NIPBL: variants seen among roughly 807,000 people sequenced by gnomAD.
NIPBL encodes nipped-B-like protein.
Under a neutral mutation model 321.8 loss-of-function variants are expected in NIPBL, and 19 were observed. The ratio of observed to expected loss-of-function variants is 0.06; its 90% CI spans 0.04 to 0.09. The LOEUF is 0.09. Among genes scored for constraint, NIPBL ranks in the 10% least tolerant of loss-of-function variants. The probability of loss-of-function intolerance (pLI) is 1.00; values close to 1 mark genes in which losing one functional copy is unlikely to be tolerated. For missense variants in NIPBL, 2,210 were observed against 3,327.0 expected (o/e 0.66, Z 8.26); for synonymous variants, 1,106 against 1,114.1 (o/e 0.99, Z 0.14).
chr5:36,988,423 A>T (rs559804093), intron 10 of NIPBL, among the ~76,000 whole-genome samples: 1 of 152,022 alleles, frequency 6.6e-6, no homozygotes, highest in Non-Finnish European at 1.5e-5. Flanking sequence ...AAAAAATACT[A>T]TGTCAGTGCT....
At position 36,988,764 on chromosome 5, in the gene NIPBL, A is replaced by G. The variant is rs568310564; in HGVS notation, c.3121+2463A>G. Among the ~76,000 whole-genome samples the G allele has an allele frequency of 4.6e-5, 7 of 152,242 alleles. No homozygotes were observed. In the South Asian group the frequency reaches 1.0e-3, roughly 23 times the overall value. On this transcript the variant is annotated intron_variant, in intron 10 of 46. Coordinates refer to ENST00000282516, the MANE Select transcript of NIPBL (RefSeq NM_133433.4). The stretch of plus-strand genomic sequence containing the variant: ...CTTGTATGGTTGGTTCCTAGGGCCA[A>G]AATTGAAGAGCCATAAATTTCCATC...
At chr5:37,043,539 A>G (rs79193759) in intron 34 of NIPBL, among the ~76,000 whole-genome samples, 1 of 145,636 alleles carries the variant, frequency 6.9e-6, no homozygotes, top group Non-Finnish European at 1.5e-5. Flanking sequence ...AAAAAAAAAA[A>G]GACAATTAAA....
rs373739863 is a variant in NIPBL, at chr5:36,971,056, T to G, written c.771+20T>G. ...AGTGACGTATGTAATATATTATCATTAAGGTGATAAAATAGTTCTAATATT... is the reference window on the plus strand; with the variant it reads ...AGTGACGTATGTAATATATTATCATGAAGGTGATAAAATAGTTCTAATATT... On this transcript the variant is annotated intron_variant, in intron 7 of 46. Transcript: ENST00000282516. 25 of 1,589,488 alleles carry G rather than the reference T, an allele frequency of 1.6e-5. No homozygotes were observed. The Middle Eastern group carries it at 1.2e-3, about 74-fold the overall frequency.
intron 2 of NIPBL, among the ~76,000 whole-genome samples, chr5:36,954,529 A>G (rs955704464): frequency 6.6e-6 from 1 of 152,174 alleles, no homozygotes; most frequent in African/African-American, 2.4e-5. Flanking sequence ...TGAAACTGGC[A>G]TTAGTTTTTA....
In NIPBL at chr5:36,877,114, C is replaced by A; in HGVS notation, c.-144C>A. 3.0e-6 allele frequency: 1 copy of A among 338,544 alleles called. No individual in the cohort carries two copies. The highest frequency in any genetic ancestry group is 5.3e-6 in the Non-Finnish European group (1 of 188,826). 21.0% of individuals were successfully genotyped at this position (338,544 alleles called of 1,614,324 possible). Reference sequence around the variant, plus strand: ...GCCGTAGCCACCCCCCCTCCCGGCCCGGATTATAGTCTCTCGCCACAGCGG... The same window carrying A: ...GCCGTAGCCACCCCCCCTCCCGGCCAGGATTATAGTCTCTCGCCACAGCGG... On this transcript the variant is annotated 5_prime_UTR_variant, in exon 1 of 47. Coordinates refer to ENST00000282516, the MANE Select transcript of NIPBL (RefSeq NM_133433.4).
chr5:36,886,409 T>C, intron 1 of NIPBL: 1 of 736,592 alleles, frequency 1.4e-6, no homozygotes. Flanking sequence ...AGCAACTCCA[T>C]GCAAACTATC....
chr5:36,926,693 G>T (rs912351317), intron 1 of NIPBL, among the ~76,000 whole-genome samples: 1 of 152,138 alleles, frequency 6.6e-6, no homozygotes, highest in African/African-American at 2.4e-5. Flanking sequence ...TCAATATGAG[G>T]ACTAGCAAAT....
chr5:36,898,028 G>A (rs1043777370), intron 1 of NIPBL, among the ~76,000 whole-genome samples: 2 of 152,154 alleles, frequency 1.3e-5, no homozygotes, highest in Admixed American at 6.5e-5. Flanking sequence ...ACAGATTACA[G>A]TATTATTCCT....
intron 32 of NIPBL, among the ~76,000 whole-genome samples, chr5:37,031,541 T>G (rs1466843010): frequency 6.6e-6 from 1 of 152,200 alleles, no homozygotes; most frequent in East Asian, 1.9e-4. Context: ...GATTTTACAG[T>G]GCCATTCATT....
chr5:36,893,382 T>C (rs1442065719), intron 1 of NIPBL, among the ~76,000 whole-genome samples: 1 of 152,198 alleles, frequency 6.6e-6, no homozygotes, highest in African/African-American at 2.4e-5. Flanking sequence ...CCAGGTGACA[T>C]ACTGCCAAAA....
chr5:37,019,279 T>C, intron 24 of NIPBL, 32 bp from the exon 25 acceptor site: 5 of 1,372,554 alleles, frequency 3.6e-6, no homozygotes, highest in Non-Finnish European at 5.2e-6. Flanking sequence ...ACCAGTAATA[T>C]CTTTTTTGTT....
At chr5:36,998,591 T>A (rs915203736) in intron 11 of NIPBL, among the ~76,000 whole-genome samples, 1 of 152,070 alleles carries the variant, frequency 6.6e-6, no homozygotes, top group Non-Finnish European at 1.5e-5. Context: ...GTGGGAGGAT[T>A]GTTTGAGCCC....
chr5:36,943,247 CTAACAAT>C (rs1294327981), intron 1 of NIPBL, among the ~76,000 whole-genome samples: 1 of 151,918 alleles, frequency 6.6e-6, no homozygotes, highest in Non-Finnish European at 1.5e-5. Context: ...TTTCTGCATC[CTAACAAT>C]TAACAATTGG....
chr5:36,878,210 G>T (rs1325675190), intron 1 of NIPBL, among the ~76,000 whole-genome samples: 4 of 152,214 alleles, frequency 2.6e-5, no homozygotes. Flanking sequence ...ATCCTTTTAT[G>T]TCAGGGCAGT....
At chr5:36,896,904 T>G (rs536660850) in intron 1 of NIPBL, among the ~76,000 whole-genome samples, 2 of 151,794 alleles carry the variant, frequency 1.3e-5, no homozygotes, top group African/African-American at 2.4e-5. Context: ...CTGGCCAGTG[T>G]TTTGTAGATT....
At chr5:37,062,969 T>G (rs948767080) in intron 45 of NIPBL, among the ~76,000 whole-genome samples, 22 of 152,126 alleles carry the variant, frequency 1.4e-4, no homozygotes, top group African/African-American at 5.3e-4. Flanking sequence ...TTTATGATAT[T>G]TCTATTTTAT....
Position 36,952,053 on chromosome 5 carries a change from T to TGTGTGTGTGTGTGC in NIPBL, c.-79-1564_-79-1563insTGTGTGTGTGTGCG, listed in dbSNP as rs778597604. Among the ~76,000 whole-genome samples the TGTGTGTGTGTGTGC allele has an allele frequency of 9.7e-3, 1,093 of 112,110 alleles. 10 individuals carry two copies. Among genetic ancestry groups the TGTGTGTGTGTGTGC allele is most frequent in the East Asian group, 0.028 (80 of 2,838 alleles). The allele number at this position is 112,110 out of a possible 152,430, so 73.5% of individuals were successfully genotyped here. A position where few individuals can be genotyped will look rare whatever the true frequency, so the allele number is the denominator to read the frequency against. On this transcript the variant is annotated intron_variant, in intron 1 of 46. Coordinates refer to ENST00000282516, the MANE Select transcript of NIPBL (RefSeq NM_133433.4). ...GTGTGTGTGTGTGTGTGTGTGTGTG[T>TGTGTGTGTGTGTGC]GCGCGCGCGCGCGCGCGCGCATGTG...
chr5:36,981,988 A>G lies in NIPBL; in HGVS notation c.1496-2688A>G, dbSNP rs534781112. Among the ~76,000 whole-genome samples the G allele has an allele frequency of 2.6e-5, 4 of 151,834 alleles. No homozygotes were observed. In the East Asian group the frequency reaches 7.7e-4, roughly 29 times the overall value. ...ACACAATTATTGTGCTTTCTGCTTT[A>G]AGTGTTTTCATTTATCACTTGTAGA... On this transcript the variant is annotated intron_variant, in intron 9 of 46. Transcript: ENST00000282516.
intron 45 of NIPBL, among the ~76,000 whole-genome samples, chr5:37,061,520 A>G (rs971867932): frequency 6.6e-6 from 1 of 152,146 alleles, no homozygotes; most frequent in Non-Finnish European, 1.5e-5. Flanking sequence ...TCTATAAAAA[A>G]TACAAAAAAT....
Sources: gnomAD v4.1 joint callset for allele counts (sites outside exome capture counted in the v4.1 genomes callset) on GRCh38, gnomAD v4.1.1 for gene constraint, MANE v1.5 for transcripts, NCBI Gene and HGNC (gene_info 2026-07-23, HGNC 2026-07-21) for gene names.